The following LONP2 variants were observed in gnomAD, a reference collection of about 807,000 sequenced individuals.
LONP2 encodes the protein lon protease homolog 2, peroxisomal.
Under a neutral mutation model 85.6 loss-of-function variants are expected in LONP2, and 60 were observed. The ratio of observed to expected loss-of-function variants is 0.70; its 90% CI spans 0.57 to 0.87. LONP2 has a LOEUF of 0.87. Among genes scored for constraint, LONP2 ranks in the 40% least tolerant of loss-of-function variants. The pLI is 0.00. For missense variants in LONP2, 860 were observed against 1,063.5 expected (o/e 0.81, Z 2.66); for synonymous variants, 395 against 389.7 (o/e 1.01, Z -0.16).
At chr16:48,337,485 A>G (rs771592320) in intron 12 of LONP2, among the ~76,000 whole-genome samples, 7 of 152,240 alleles carry the variant, frequency 4.6e-5, no homozygotes, top group Non-Finnish European at 1.0e-4. Flanking sequence ...AGTTGAGGAA[A>G]CAGGCTTAGA....
At chr16:48,297,025 T>C (rs913295597) in intron 9 of LONP2, among the ~76,000 whole-genome samples, 3 of 152,210 alleles carry the variant, frequency 2.0e-5, no homozygotes, top group African/African-American at 7.2e-5. Flanking sequence ...TTTAATTATT[T>C]AGAGACAGAG....
chr16:48,246,634 G>C (rs957441726), intron 1 of LONP2, among the ~76,000 whole-genome samples: 5 of 152,152 alleles, frequency 3.3e-5, no homozygotes, highest in African/African-American at 1.2e-4. Context: ...GCAGTGGCGT[G>C]ATCGTAGCCC....
chr16:48,256,813 G>C, intron 3 of LONP2, 72 bp downstream of exon 3: 11 of 1,428,476 alleles, frequency 7.7e-6, no homozygotes, highest in Non-Finnish European at 1.0e-5. Context: ...GAGTAGTTAA[G>C]TTTTGACCTT....
chr16:48,256,918 G>A (rs1971772170), intron 3 of LONP2, among the ~76,000 whole-genome samples, 177 bp downstream of exon 3: 1 of 148,526 alleles, frequency 6.7e-6, no homozygotes, highest in African/African-American at 2.6e-5. Flanking sequence ...GTTGACACAA[G>A]CAGCTCTTTT....
intron 1 of LONP2, among the ~76,000 whole-genome samples, chr16:48,246,066 G>T (rs1190222152): frequency 1.3e-5 from 2 of 152,020 alleles, no homozygotes; most frequent in African/African-American, 4.8e-5. Context: ...TTTTTTAGGA[G>T]AATCCTTTGC....
chr16:48,258,617 G>T lies in LONP2; in HGVS notation c.601-1G>T, dbSNP rs1384404638. On this transcript the variant is annotated splice_acceptor_variant, in intron 3 of 14. Coordinates refer to ENST00000285737, the MANE Select transcript of LONP2 (RefSeq NM_031490.5). LOFTEE classifies it high-confidence loss of function. ...CTATTGATTGACTCACATTTCCTTA[G>T]ATTTTAGATGCTGTGAGCCTAGAGG... is the stretch of plus-strand genomic sequence containing the variant. The T allele has an allele frequency of 4.4e-6, 7 of 1,589,886 alleles. No individual in the cohort carries two copies. Among genetic ancestry groups the T allele is most frequent in the Non-Finnish European group, 6.0e-6 (7 of 1,171,194 alleles).
At chr16:48,322,357 T>C (rs1973283370) in intron 11 of LONP2, among the ~76,000 whole-genome samples, 1 of 152,216 alleles carries the variant, frequency 6.6e-6, no homozygotes, top group Non-Finnish European at 1.5e-5. Flanking sequence ...TAAACTTCTT[T>C]GTTAAAAGCA....
downstream of LONP2, chr16:48,362,219 T>C (rs1960620670): frequency 1.2e-6 from 2 of 1,614,190 alleles, no homozygotes; most frequent in African/African-American, 2.7e-5. This position sits in a 1 kb window ranked among gnomAD's most constrained non-coding sequence, Gnocchi z 4.2. Context: ...TTGGACAACA[T>C]GTGAGCTTTG....
chr16:48,318,395 T>C (rs1973191466), intron 11 of LONP2, among the ~76,000 whole-genome samples: 1 of 152,064 alleles, frequency 6.6e-6, no homozygotes, highest in South Asian at 2.1e-4. Context: ...GGCACACACC[T>C]GTAGTCCCAG....
At position 48,334,201 on chromosome 16, in the gene LONP2, T is replaced by C; in HGVS notation, c.1796-15T>C. 6.2e-7 allele frequency: 1 copy of C among 1,609,338 alleles called. No homozygotes were observed. The highest frequency in any genetic ancestry group is 8.5e-7 in the Non-Finnish European group (1 of 1,177,750). Reference sequence around the variant, plus strand: ...AATCTCTTAGAACTTCTAAATACATTTTTTTTTCTTTTAGGTTGCAGAGAA... The same window carrying C: ...AATCTCTTAGAACTTCTAAATACATCTTTTTTTCTTTTAGGTTGCAGAGAA... On this transcript the variant is annotated splice_polypyrimidine_tract_variant and intron_variant, in intron 11 of 14. Coordinates refer to ENST00000285737, the MANE Select transcript of LONP2 (RefSeq NM_031490.5).
intron 6 of LONP2, 50 bp downstream of exon 6, chr16:48,262,922 G>A (rs1478634627): frequency 8.6e-7 from 1 of 1,164,074 alleles, no homozygotes; most frequent in South Asian, 1.4e-5. Flanking sequence ...CACTCAGAAA[G>A]CTCATGCAAT....
Position 48,256,714 on chromosome 16 carries a change from C to T in LONP2, c.573C>T (p.Ile191=), listed in dbSNP as rs762730600. ...EALPDILTSI[I]RTSNKEKLQI... Reference sequence around the variant, plus strand: ...TACCAGACATCTTGACATCAATTATCCGAACAAGCAACAAAGAGAAACTCC... The same window carrying T: ...TACCAGACATCTTGACATCAATTATTCGAACAAGCAACAAAGAGAAACTCC... Residue 191 remains isoleucine, a synonymous_variant, in exon 3 of 15, where the codon ATC becomes ATT. Transcript: ENST00000285737. 15 of 1,613,930 alleles carry T rather than the reference C, an allele frequency of 9.3e-6. No homozygotes were observed. Among genetic ancestry groups the T allele is most frequent in the Non-Finnish European group, 1.2e-5 (14 of 1,179,924 alleles).
intron 11 of LONP2, among the ~76,000 whole-genome samples, chr16:48,327,830 A>T (rs568207515): frequency 6.6e-6 from 1 of 152,360 alleles, no homozygotes; most frequent in African/African-American, 2.4e-5. Context: ...CACTTATATG[A>T]AATATAATAG....
Position 48,348,142 on chromosome 16 carries a change from TG to T in LONP2, c.2190del (p.His731ThrfsTer18). ...CTTCTTGACAACACAGACATCCATC[TG>T]CACTTCCCAGCTGGAGCTGTCACAA... ...FDLLDNTDIH[L>X]HFPAGAVTKD... On this transcript the variant is annotated frameshift_variant, in exon 14 of 15. Transcript: ENST00000285737. LOFTEE classifies it high-confidence loss of function. 1 of 1,611,634 alleles carries T rather than the reference TG, an allele frequency of 6.2e-7. No homozygotes were observed. The highest frequency in any genetic ancestry group is 8.5e-7 in the Non-Finnish European group (1 of 1,179,504).
At position 48,261,493 on chromosome 16, in the gene LONP2, G is replaced by GAAGATA; in HGVS notation, c.795_800dup (p.Asp266_Asn267insLysAsp). The GAAGATA allele has an allele frequency of 6.2e-7, 1 of 1,607,552 alleles. No individual in the cohort carries two copies. Among genetic ancestry groups the GAAGATA allele is most frequent in the Non-Finnish European group, 8.5e-7 (1 of 1,176,388 alleles). On this transcript the variant is annotated inframe_insertion, in exon 5 of 15. Transcript: ENST00000285737. ...TACTTTAGAAGATGAAGATGAAGAT[G>GAAGATA]AAGATAATGATGACATTGTCATGCT...
chr16:48,318,346 C>A (rs1470253787), intron 11 of LONP2, among the ~76,000 whole-genome samples: 1 of 151,896 alleles, frequency 6.6e-6, no homozygotes, highest in African/African-American at 2.4e-5. Context: ...TGGTGAAACC[C>A]CATCTCTTCT....
chr16:48,347,441 G>C, intron 12 of LONP2, 66 bp from the exon 13 acceptor site: 1 of 1,507,372 alleles, frequency 6.6e-7, no homozygotes, highest in Non-Finnish European at 9.2e-7. Context: ...ACTCTTGCAG[G>C]ATTGTGTGGT....
downstream of LONP2, chr16:48,361,708 G>T (rs777481237): frequency 6.2e-7 from 1 of 1,614,112 alleles, no homozygotes; most frequent in Non-Finnish European, 8.5e-7. Flanking sequence ...TGAATAGATC[G>T]AGGAGTCGCT....
chr16:48,360,103 CA>C (rs962587582), downstream of LONP2, among the ~76,000 whole-genome samples: 2 of 152,174 alleles, frequency 1.3e-5, no homozygotes, highest in Admixed American at 6.5e-5. Context: ...AAGTATCTAC[CA>C]TAATTTAACC....
Sources: allele counts gnomAD v4.1 joint callset (sites outside exome capture counted in the v4.1 genomes callset), GRCh38; gene constraint gnomAD v4.1.1; non-coding constraint Gnocchi (gnomAD v3.1); transcripts MANE v1.5; gene names NCBI Gene and HGNC (gene_info 2026-07-23, HGNC 2026-07-21).